Variants in GALNT17 observed in about 807,000 individuals in gnomAD.
GALNT17 encodes the protein polypeptide N-acetylgalactosaminyltransferase 17.
Under a neutral mutation model 63.7 loss-of-function variants are expected in GALNT17, and 29 were observed. The observed-to-expected ratio is 0.46, with a 90% CI of 0.34 to 0.62. The LOEUF (loss-of-function observed/expected upper bound fraction) is 0.62, where lower values mean the gene tolerates loss of function less well. Among genes scored for constraint, GALNT17 ranks in the 20% least tolerant of loss-of-function variants. The pLI is 0.01. For missense variants in GALNT17, 603 were observed against 799.6 expected, an observed-to-expected ratio of 0.75 and a Z score of 2.97; for synonymous variants, 305 against 318.3, an observed-to-expected ratio of 0.96 and a Z score of 0.45.
intron 5 of GALNT17, among the ~76,000 whole-genome samples, chr7:71,481,389 G>T (rs1787814603): frequency 6.6e-6 from 1 of 152,156 alleles, no homozygotes; most frequent in South Asian, 2.1e-4. Flanking sequence ...AGGCAGAGCT[G>T]CAGTGAGCGG....
Position 71,388,122 on chromosome 7 carries a change from C to T in GALNT17, c.423-113C>T, listed in dbSNP as rs574511271. The T allele has an allele frequency of 1.1e-3, 1,282 of 1,141,486 alleles. 1 individual carries two copies. Among genetic ancestry groups the T allele is most frequent in the Non-Finnish European group, 1.5e-3 (1,171 of 794,626 alleles). The allele number at this position is 1,141,486 out of a possible 1,614,324, so 70.7% of individuals were successfully genotyped here. ...GAAGCCTAAGGGAACCAGTGATTCA[C>T]GCCTTGGGACGACTGGATGAGGATT... On this transcript the variant is annotated intron_variant, in intron 2 of 10. Coordinates refer to ENST00000333538, the MANE Select transcript of GALNT17 (RefSeq NM_022479.3).
At chr7:71,573,120 G>A (rs372734985) in intron 6 of GALNT17, among the ~76,000 whole-genome samples, 3 of 150,408 alleles carry the variant, frequency 2.0e-5, no homozygotes, top group East Asian at 4.0e-4. Context: ...ACGATTCTCC[G>A]GCCTCAGCTT....
At chr7:71,198,329 C>CTA (rs1789096760) in intron 1 of GALNT17, among the ~76,000 whole-genome samples, 1 of 151,912 alleles carries the variant, frequency 6.6e-6, no homozygotes, top group Non-Finnish European at 1.5e-5. Flanking sequence ...AAAGCAATAA[C>CTA]TAACCGAAAT....
intron 6 of GALNT17, among the ~76,000 whole-genome samples, chr7:71,583,752 CA>C (rs751759604): frequency 3.0e-4 from 2 of 6,658 alleles, no homozygotes; most frequent in Non-Finnish European, 4.1e-4. Context: ...CACACACACA[CA>C]CACACACCAC....
chr7:71,427,998 A>G (rs1405865399), intron 5 of GALNT17, among the ~76,000 whole-genome samples: 1 of 152,202 alleles, frequency 6.6e-6, no homozygotes, highest in Non-Finnish European at 1.5e-5. Flanking sequence ...ATTGTCTTCC[A>G]TGAAACCAGT....
At chr7:71,704,321 C>T (rs1298657067) in intron 9 of GALNT17, among the ~76,000 whole-genome samples, 8 of 152,046 alleles carry the variant, frequency 5.3e-5, no homozygotes, top group African/African-American at 1.9e-4. Context: ...CAAAAAAATG[C>T]AAGACATGTA....
At chr7:71,262,070 C>A (rs986293133) in intron 1 of GALNT17, among the ~76,000 whole-genome samples, 1 of 152,080 alleles carries the variant, frequency 6.6e-6, no homozygotes, top group African/African-American at 2.4e-5. Flanking sequence ...ACAAGAATGT[C>A]AGGATGAATT....
chr7:71,175,190 GTCTA>G (rs940921680), intron 1 of GALNT17, among the ~76,000 whole-genome samples: 70 of 149,278 alleles, frequency 4.7e-4, no homozygotes, highest in African/African-American at 1.4e-3. Context: ...CTATCCATCC[GTCTA>G]TCTATCCCTC....
At chr7:71,694,260 A>G (rs559568273) in intron 9 of GALNT17, among the ~76,000 whole-genome samples, 46 of 152,172 alleles carry the variant, frequency 3.0e-4, no homozygotes, top group Non-Finnish European at 4.9e-4. Context: ...AAACATTAGA[A>G]TTGTGGGAGC....
At chr7:71,564,236 A>C (rs1584053258) in intron 5 of GALNT17, among the ~76,000 whole-genome samples, 1 of 136,128 alleles carries the variant, frequency 7.3e-6, no homozygotes. Context: ...GCAGATTTTG[A>C]TCGTGACGGG....
intron 1 of GALNT17, among the ~76,000 whole-genome samples, chr7:71,159,355 A>C (rs567601828): frequency 3.8e-4 from 57 of 151,746 alleles, no homozygotes; most frequent in Non-Finnish European, 7.1e-4. Context: ...TGGTATGATA[A>C]GCCGAAGCTT....
At chr7:71,198,868 C>T (rs946401071) in intron 1 of GALNT17, among the ~76,000 whole-genome samples, 6 of 152,264 alleles carry the variant, frequency 3.9e-5, no homozygotes, top group East Asian at 1.9e-4. Flanking sequence ...TGTTGGCTGC[C>T]GTGGTTCATA....
rs530868473 is a variant in GALNT17 at position 71,528,434 on chromosome 7, C to T, written c.963-42851C>T. Among the ~76,000 whole-genome samples, 8 of 152,278 alleles carry T rather than the reference C, an allele frequency of 5.3e-5. No homozygotes were observed. In the South Asian group the frequency reaches 6.2e-4, roughly 12 times the overall value. ...CCCCAAATCATGGTGGCCTCCCCAG[C>T]GTAAGGTCATGGTTGCCCATGTTCC... On this transcript the variant is annotated intron_variant, in intron 5 of 10. Transcript: ENST00000333538.
intron 3 of GALNT17, among the ~76,000 whole-genome samples, chr7:71,413,298 A>T (rs907626577): frequency 6.6e-6 from 1 of 151,628 alleles, no homozygotes; most frequent in Non-Finnish European, 1.5e-5. Context: ...CTCCGTGACC[A>T]TTTTTTTTGG....
chr7:71,196,762 T>C (rs112084405), intron 1 of GALNT17, among the ~76,000 whole-genome samples: 1 of 151,954 alleles, frequency 6.6e-6, no homozygotes, highest in African/African-American at 2.4e-5. Flanking sequence ...CAAGCGATTC[T>C]CCTGCCTCAG....
chr7:71,678,878 A>C (rs138127537), intron 9 of GALNT17, among the ~76,000 whole-genome samples: 1 of 150,786 alleles, frequency 6.6e-6, no homozygotes, highest in African/African-American at 2.4e-5. Flanking sequence ...GAATCACTTG[A>C]ACCTGGGAGG....
chr7:71,172,446 A>G (rs554047961), intron 1 of GALNT17, among the ~76,000 whole-genome samples: 30 of 147,234 alleles, frequency 2.0e-4, no homozygotes, highest in African/African-American at 7.4e-4. Context: ...GGTGACAGAC[A>G]CTCTGTCTTA....
chr7:71,684,026 A>T (rs934126173), intron 9 of GALNT17, among the ~76,000 whole-genome samples: 14 of 141,298 alleles, frequency 9.9e-5, no homozygotes, highest in Non-Finnish European at 2.1e-4. Context: ...AAAAAAAAAA[A>T]CAAAAGAAAC....
At chr7:71,555,326 G>A (rs1789145462) in intron 5 of GALNT17, among the ~76,000 whole-genome samples, 1 of 152,044 alleles carries the variant, frequency 6.6e-6, no homozygotes, top group African/African-American at 2.4e-5. Context: ...TTGTGCTTTA[G>A]AATCAAATAT....
Sources: allele counts gnomAD v4.1 joint callset (sites outside exome capture counted in the v4.1 genomes callset), GRCh38; gene constraint gnomAD v4.1.1; transcripts MANE v1.5; gene names NCBI Gene and HGNC (gene_info 2026-07-23, HGNC 2026-07-21).